Variants in PAM observed in about 807,000 individuals in gnomAD.
PAM encodes the protein peptidylglycine alpha-amidating monooxygenase.
A neutral mutation model predicts 122.1 loss-of-function variants in PAM; 72 were observed. The ratio of observed to expected loss-of-function variants is 0.59; its 90% CI spans 0.49 to 0.72. PAM has a LOEUF of 0.72. PAM is among the 30% of genes least tolerant of loss of function. The pLI is 0.00. For synonymous variants in PAM, 389 were observed against 404.4 expected (o/e 0.96, Z 0.46); for missense variants, 1,106 against 1,183.7 (o/e 0.93, Z 0.96).
At chr5:102,969,093 T>C (rs1562075275) in intron 14 of PAM, among the ~76,000 whole-genome samples, 2 of 148,756 alleles carry the variant, frequency 1.3e-5, no homozygotes, top group African/African-American at 2.5e-5. Flanking sequence ...TGTCGGGGGG[T>C]AGGGGGCTAG....
At chr5:102,797,054 G>A (rs1215368912) in intron 1 of PAM, among the ~76,000 whole-genome samples, 1 of 152,150 alleles carries the variant, frequency 6.6e-6, no homozygotes, top group African/African-American at 2.4e-5. Context: ...ACAGCACAAG[G>A]GCTGGTGTTT....
chr5:102,987,268 A>G (rs1772176681), intron 15 of PAM, among the ~76,000 whole-genome samples: 1 of 152,208 alleles, frequency 6.6e-6, no homozygotes, highest in South Asian at 2.1e-4. Context: ...ACTGGAGGTC[A>G]TTATATTAAG....
intron 21 of PAM, among the ~76,000 whole-genome samples, chr5:103,016,281 G>T (rs767083282): frequency 2.0e-5 from 3 of 152,120 alleles, no homozygotes; most frequent in African/African-American, 2.4e-5. Context: ...CTTCTGCCCC[G>T]CCTAAACTGA....
At chr5:102,788,084 C>T (rs760044009) in intron 1 of PAM, among the ~76,000 whole-genome samples, 2 of 152,120 alleles carry the variant, frequency 1.3e-5, no homozygotes, top group African/African-American at 2.4e-5. Flanking sequence ...CTCCAATTTA[C>T]TTCAGTACAA....
chr5:102,762,529 T>C (rs1272462104), intron 1 of PAM, among the ~76,000 whole-genome samples: 2 of 152,190 alleles, frequency 1.3e-5, no homozygotes, highest in East Asian at 3.8e-4. Context: ...TTAGATTTTT[T>C]TTTTCATGCT....
rs754267209 is a variant in PAM, at chr5:102,949,927, A to G, written c.750A>G (p.Val250=). The G allele has an allele frequency of 2.5e-6, 4 of 1,583,750 alleles. No homozygotes were observed. In the Admixed American group the frequency reaches 6.7e-5, roughly 26 times the overall value. ...GTAAGGTAGTAAGTGGATACAGAGTAAGAAATGGACAGTGGACACTGATTG... is the reference window on the plus strand; with the variant it reads ...GTAAGGTAGTAAGTGGATACAGAGTGAGAAATGGACAGTGGACACTGATTG... ...HLGKVVSGYR[V]RNGQWTLIGR... The change falls in exon 11 of 26, where the codon GTA becomes GTG. Residue 250 remains valine (V), a synonymous_variant. Coordinates refer to ENST00000438793, the MANE Select transcript of PAM (RefSeq NM_001177306.2).
intron 2 of PAM, 55 bp downstream of exon 2, chr5:102,866,339 CT>C: frequency 1.7e-6 from 2 of 1,170,402 alleles, no homozygotes. Context: ...AATGTAATCA[CT>C]TTTATGAACC....
chr5:102,941,351 A>C (rs1295231163), intron 7 of PAM, among the ~76,000 whole-genome samples: 1 of 152,248 alleles, frequency 6.6e-6, no homozygotes, highest in South Asian at 2.1e-4. Context: ...CAGTGAATAC[A>C]AAATCAAAAG....
chr5:102,907,730 G>A (rs949149508), intron 4 of PAM, among the ~76,000 whole-genome samples: 1 of 152,092 alleles, frequency 6.6e-6, no homozygotes, highest in African/African-American at 2.4e-5. Flanking sequence ...CAGTGATGAT[G>A]AGCATTTTTT....
At chr5:102,805,333 G>T (rs906599508) in intron 1 of PAM, among the ~76,000 whole-genome samples, 1 of 152,098 alleles carries the variant, frequency 6.6e-6, no homozygotes, top group Admixed American at 6.6e-5. Flanking sequence ...CTCCCAATGT[G>T]CTGTGATTAT....
chr5:102,766,037 A>G (rs1037117937), intron 1 of PAM, among the ~76,000 whole-genome samples: 2 of 152,116 alleles, frequency 1.3e-5, no homozygotes, highest in African/African-American at 4.8e-5. Flanking sequence ...GGTAATCACA[A>G]ATGTGGTGAA....
At chr5:102,966,277 T>C (rs1270039691) in intron 14 of PAM, among the ~76,000 whole-genome samples, 1 of 152,122 alleles carries the variant, frequency 6.6e-6, no homozygotes, top group African/African-American at 2.4e-5. Flanking sequence ...CTGTTTTGAA[T>C]TGGTTTCCTA....
chr5:103,006,728 G>A lies in PAM; in HGVS notation c.1804-73G>A, dbSNP rs530282982. On this transcript the variant is annotated intron_variant, in intron 18 of 25. Coordinates refer to ENST00000438793, the MANE Select transcript of PAM (RefSeq NM_001177306.2). The stretch of plus-strand genomic sequence containing the variant: ...TTCTACTCCAATTGCTTGTGAAAGT[G>A]GTCTTAGTCATGTGGGTGTAAGTCA... The A allele has an allele frequency of 4.2e-6, 4 of 947,540 alleles. 1 individual carries two copies. The South Asian group carries it at 4.6e-5, about 11-fold the overall frequency. The allele number at this position is 947,540 out of a possible 1,614,324, so 58.7% of individuals were successfully genotyped here. A position where few individuals can be genotyped will look rare whatever the true frequency, so the allele number is the denominator to read the frequency against.
intron 16 of PAM, among the ~76,000 whole-genome samples, chr5:102,992,322 A>G (rs2150826691): frequency 6.6e-6 from 1 of 151,760 alleles, no homozygotes; most frequent in South Asian, 2.1e-4. Flanking sequence ...GCTCTTCTTC[A>G]TCTTTGTCTT....
chr5:102,990,523 G>A (rs1773732482), intron 16 of PAM, 122 bp downstream of exon 16: 3 of 632,538 alleles, frequency 4.7e-6, no homozygotes, highest in Non-Finnish European at 7.4e-6. Flanking sequence ...ACTTTTATGA[G>A]CAAAATGTAT....
At chr5:102,974,546 G>A in intron 15 of PAM, 110 bp downstream of exon 15, 1 of 676,464 alleles carries the variant, frequency 1.5e-6, no homozygotes, top group Non-Finnish European at 2.5e-6. Flanking sequence ...CAATGAAAAG[G>A]ACTTATCATT....
chr5:102,953,052 A>G (rs975527218), intron 12 of PAM, among the ~76,000 whole-genome samples: 6 of 152,184 alleles, frequency 3.9e-5, no homozygotes, highest in Admixed American at 3.9e-4. Context: ...CTATGGTTAC[A>G]TAGAAACTAG....
At chr5:102,930,825 G>T (rs1196196562) in intron 7 of PAM, among the ~76,000 whole-genome samples, 1 of 152,202 alleles carries the variant, frequency 6.6e-6, no homozygotes, top group Admixed American at 6.5e-5. Flanking sequence ...TTTAAAAAAT[G>T]TATAGACTTT....
chr5:102,996,495 T>C (rs953070890), intron 16 of PAM, among the ~76,000 whole-genome samples: 4 of 152,186 alleles, frequency 2.6e-5, no homozygotes, highest in Non-Finnish European at 4.4e-5. Context: ...TACAAGAGTT[T>C]ATAAACTACT....
Sources: gnomAD v4.1 joint callset for allele counts (sites outside exome capture counted in the v4.1 genomes callset) on GRCh38, gnomAD v4.1.1 for gene constraint, MANE v1.5 for transcripts, NCBI Gene and HGNC (gene_info 2026-07-23, HGNC 2026-07-21) for gene names.